The following SLX4 variants were observed in gnomAD, a reference collection of about 807,000 sequenced individuals.
SLX4 encodes SLX4 structure-specific endonuclease subunit.
A neutral mutation model predicts 146.2 loss-of-function variants in SLX4; 112 were observed. The ratio of observed to expected loss-of-function variants is 0.77; its 90% CI spans 0.66 to 0.90. The LOEUF (loss-of-function observed/expected upper bound fraction) is 0.90, where lower values mean the gene tolerates loss of function less well. SLX4 is among the 40% of genes least tolerant of loss of function. The probability of loss-of-function intolerance (pLI) is 0.00; values close to 1 mark genes in which losing one functional copy is unlikely to be tolerated. For synonymous variants in SLX4, 1,061 were observed against 997.7 expected, an observed-to-expected ratio of 1.06 and a Z score of -1.20; for missense variants, 2,563 against 2,392.7, an observed-to-expected ratio of 1.07 and a Z score of -1.49.
chr16:3,602,399 G>A, intron 3 of SLX4, 92 bp from the exon 4 acceptor site: 27 of 1,481,102 alleles, frequency 1.8e-5, no homozygotes, highest in Non-Finnish European at 2.5e-5. Flanking sequence ...AGACCATGGG[G>A]AGCAGGTGGA....
intron 9 of SLX4, 96 bp from the exon 10 acceptor site, chr16:3,594,695 G>A: frequency 1.3e-6 from 2 of 1,552,938 alleles, no homozygotes; most frequent in Non-Finnish European, 1.8e-6. Context: ...CGCTAGGGTG[G>A]GCCGGGAGCC....
chr16:3,581,311 C>T lies in SLX4; in HGVS notation c.*1031G>A, dbSNP rs2040432686. On this transcript the variant is annotated 3_prime_UTR_variant, in exon 15 of 15. Coordinates refer to ENST00000294008, the MANE Select transcript of SLX4 (RefSeq NM_032444.4). ...CTTTCCTGGCCCTCATCTTCCTCCA[C>T]ACTGCTCCTGAGGCTGGAGGCAGCT... 1 of 152,788 alleles carries T rather than the reference C, an allele frequency of 6.5e-6. No homozygotes were observed. The highest frequency in any genetic ancestry group is 6.5e-5 in the Admixed American group (1 of 15,294). The allele number at this position is 152,788 out of a possible 1,614,324, so 9.5% of individuals were successfully genotyped here. A position where few individuals can be genotyped will look rare whatever the true frequency, so the allele number is the denominator to read the frequency against.
rs2040718643 is a variant in SLX4 at position 3,600,871 on chromosome 16, C to T, written c.1163+108G>A. The T allele has an allele frequency of 8.3e-6, 10 of 1,200,126 alleles. No homozygotes were observed. The East Asian group carries it at 1.0e-4, about 12-fold the overall frequency. The allele number at this position is 1,200,126 out of a possible 1,614,324, so 74.3% of individuals were successfully genotyped here. A position where few individuals can be genotyped will look rare whatever the true frequency, so the allele number is the denominator to read the frequency against. On this transcript the variant is annotated intron_variant, in intron 5 of 14. Coordinates refer to ENST00000294008, the MANE Select transcript of SLX4 (RefSeq NM_032444.4). ...TTGGCCTCCCAAAGTGCTGCGATTA[C>T]AGGTGTGAACTACTGCGTCCAGCCC...
chr16:3,587,482 G>C (rs1010103345), intron 12 of SLX4, among the ~76,000 whole-genome samples: 1 of 152,164 alleles, frequency 6.6e-6, no homozygotes, highest in Non-Finnish European at 1.5e-5. Context: ...GTGACACATT[G>C]GAAACAGTCA....
chr16:3,590,548 C>A lies in SLX4; in HGVS notation c.3090G>T (p.Pro1030=), dbSNP rs771531829. 1 of 1,612,498 alleles carries A rather than the reference C, an allele frequency of 6.2e-7. No homozygotes were observed. The highest frequency in any genetic ancestry group is 1.1e-5 in the South Asian group (1 of 91,064). Residue 1030 remains proline, a synonymous_variant, in exon 12 of 15, where the codon CCG becomes CCT. Transcript: ENST00000294008. This position sits in a 1 kb window ranked among gnomAD's most constrained non-coding sequence, Gnocchi z 4.8. ...GCCCCAATAGGAAGCGGCACGGGTG[C>A]GGTGGAGATGCCTGCCAGGGAGCCA... is the stretch of plus-strand genomic sequence containing the variant. ...HRLAPWQASP[P]HPCRFLLGPP...
At position 3,597,914 on chromosome 16, in the gene SLX4, G is replaced by A. The variant is rs767424269; in HGVS notation, c.1249C>T (p.Pro417Ser). The A allele has an allele frequency of 2.5e-6, 4 of 1,614,124 alleles. No individual in the cohort carries two copies. The highest frequency in any genetic ancestry group is 1.3e-5 in the African/African-American group (1 of 75,050). Residue 417 changes from proline (P) to serine (S), a missense_variant, in exon 6 of 15, where the codon CCG (proline) becomes TCG (serine). Pro to Ser is a moderately conservative substitution (Grantham distance 74, BLOSUM62 -1). Coordinates refer to ENST00000294008, the MANE Select transcript of SLX4 (RefSeq NM_032444.4). The surrounding 1 kb of genome is among the most constrained non-coding windows in gnomAD (Gnocchi z 4.4). ...ATGGCCACCAGCAGGTCCTCGGACG[G>A]TGCCTCGTCCACCTTCCGCCTCTTC... Reference protein sequence around the residue: ...PRKRRKVDEAPSEDLLVAMAL... With the variant: ...PRKRRKVDEASSEDLLVAMAL...
intron 10 of SLX4, among the ~76,000 whole-genome samples, chr16:3,593,834 A>G (rs1166103750): frequency 6.6e-6 from 1 of 152,166 alleles, no homozygotes; most frequent in Non-Finnish European, 1.5e-5. Context: ...CAAATAGAGA[A>G]AAGAGAAAAC....
chr16:3,592,359 G>C (rs2040602960), intron 11 of SLX4, among the ~76,000 whole-genome samples: 2 of 152,252 alleles, frequency 1.3e-5, no homozygotes, highest in Non-Finnish European at 2.9e-5. Context: ...CTGTTGTTCA[G>C]GTCTAGTGGT....
chr16:3,594,749 G>A, intron 9 of SLX4, 150 bp from the exon 10 acceptor site: 1 of 1,011,126 alleles, frequency 9.9e-7, no homozygotes, highest in Non-Finnish European at 1.5e-6. Flanking sequence ...TTCCCACGAT[G>A]GCCTCAACCT....
At chr16:3,602,049 T>C in intron 4 of SLX4, 69 bp downstream of exon 4, 1 of 1,594,582 alleles carries the variant, frequency 6.3e-7, no homozygotes, top group Non-Finnish European at 8.6e-7. Context: ...AGATCCGCAC[T>C]CCAGCCCTGG....
In SLX4 at chr16:3,597,655, TG is replaced by T. The variant is rs774532876; in HGVS notation, c.1406del (p.Pro469HisfsTer4). ...SRKKKPPVSP[P>X]LLLVQDSETT... Reference sequence around the variant, plus strand: ...TTTCAGAGTCCTGGACTAACAACAATGGGGGGGATACCGGGGGTTTCTTCTT... The same window carrying T: ...TTTCAGAGTCCTGGACTAACAACAATGGGGGGATACCGGGGGTTTCTTCTT... On this transcript the variant is annotated frameshift_variant, in exon 7 of 15. Coordinates refer to ENST00000294008, the MANE Select transcript of SLX4 (RefSeq NM_032444.4). LOFTEE classifies it high-confidence loss of function. The surrounding 1 kb of genome is among the most constrained non-coding windows in gnomAD (Gnocchi z 4.4). 5 of 1,519,490 alleles carry T rather than the reference TG, an allele frequency of 3.3e-6. No individual in the cohort carries two copies. Among genetic ancestry groups the T allele is most frequent in the Admixed American group, 1.8e-5 (1 of 56,964 alleles). The allele number at this position is 1,519,490 out of a possible 1,614,324, so 94.1% of individuals were successfully genotyped here.
At chr16:3,601,602 T>C in intron 4 of SLX4, 1 of 323,538 alleles carries the variant, frequency 3.1e-6, no homozygotes, top group South Asian at 2.8e-5. Flanking sequence ...CATCTAAGAA[T>C]GGGAAAAACA....
At chr16:3,598,293 G>A (rs1228639069) in intron 5 of SLX4, among the ~76,000 whole-genome samples, 2 of 152,218 alleles carry the variant, frequency 1.3e-5, no homozygotes, top group Non-Finnish European at 2.9e-5. Flanking sequence ...ATGTGGCCAA[G>A]CCCATCCAAT....
At position 3,590,713 on chromosome 16, in the gene SLX4, CG is replaced by C. The variant is rs1211841375; in HGVS notation, c.2924del (p.Pro975ArgfsTer26). Reference protein sequence around the residue: ...CQAERKEGSLPHSDDAGDYEQ... With the variant: ...CQAERKEGSLXHSDDAGDYEQ... Reference sequence around the variant, plus strand: ...CGTAATCCCCGGCATCATCTGAGTGCGGAAGAGAGCCTTCTTTTCTCTCTGC... The same window carrying C: ...CGTAATCCCCGGCATCATCTGAGTGCGAAGAGAGCCTTCTTTTCTCTCTGC... On this transcript the variant is annotated frameshift_variant, in exon 12 of 15. Transcript: ENST00000294008. LOFTEE classifies it high-confidence loss of function. The surrounding 1 kb of genome is among the most constrained non-coding windows in gnomAD (Gnocchi z 4.8). 6.2e-7 allele frequency: 1 copy of C among 1,614,050 alleles called. No homozygotes were observed. The highest frequency in any genetic ancestry group is 8.5e-7 in the Non-Finnish European group (1 of 1,180,046).
intron 11 of SLX4, among the ~76,000 whole-genome samples, chr16:3,592,112 C>A (rs542657606): frequency 6.6e-6 from 1 of 152,380 alleles, no homozygotes; most frequent in East Asian, 1.9e-4. Flanking sequence ...GCTCTGTGGC[C>A]CGTCAGTATA....
intron 7 of SLX4, among the ~76,000 whole-genome samples, chr16:3,596,857 T>A (rs1201088750): frequency 6.6e-6 from 1 of 151,688 alleles, no homozygotes; most frequent in Non-Finnish European, 1.5e-5. Flanking sequence ...GAGTCTCACT[T>A]TGTTGCCCAG....
chr16:3,597,431 T>G lies in SLX4; in HGVS notation c.1631A>C (p.Asp544Ala). The change falls in exon 7 of 15, where the codon GAC becomes GCC. Residue 544 changes from aspartate (D) to alanine (A), a missense_variant. By Grantham distance (126) the Asp-to-Ala change is moderately radical (BLOSUM62 -2). Transcript: ENST00000294008. The surrounding 1 kb of genome is among the most constrained non-coding windows in gnomAD (Gnocchi z 4.4). ...SALTGAWAMEDFYTARLVPPL... is the reference protein window; with the variant it reads ...SALTGAWAMEAFYTARLVPPL... Reference sequence around the variant, plus strand: ...AGGGACCAGCCTGGCCGTGTAGAAGTCCTCCATGGCCCAGGCCCCAGTCAG... The same window carrying G: ...AGGGACCAGCCTGGCCGTGTAGAAGGCCTCCATGGCCCAGGCCCCAGTCAG... 1 of 1,608,148 alleles carries G rather than the reference T, an allele frequency of 6.2e-7. No individual in the cohort carries two copies. The highest frequency in any genetic ancestry group is 8.5e-7 in the Non-Finnish European group (1 of 1,177,496).
At position 3,594,434 on chromosome 16, in the gene SLX4, C is replaced by T. The variant is rs759835803; in HGVS notation, c.2160+19G>A. 2.9e-5 allele frequency: 47 copies of T among 1,606,596 alleles called. No homozygotes were observed. The highest frequency in any genetic ancestry group is 6.7e-5 in the African/African-American group (5 of 74,740). The stretch of plus-strand genomic sequence containing the variant: ...GGGAGAGAGAGGAAAGGAGGGCACA[C>T]GGCAGCCCACGTACTTACATACTGG... On this transcript the variant is annotated intron_variant, in intron 10 of 14. Transcript: ENST00000294008.
rs1338600551 is a variant in SLX4, at chr16:3,583,264, G to T, written c.4986C>A (p.Thr1662=). 3.7e-6 allele frequency: 6 copies of T among 1,614,064 alleles called. No individual in the cohort carries two copies. In the African/African-American group the frequency reaches 6.7e-5, roughly 18 times the overall value. The change falls in exon 14 of 15, where the codon ACC becomes ACA. Residue 1662 remains threonine, a synonymous_variant. Transcript: ENST00000294008. ...GAHRPKGPAK[T]KGPRHQRKHH... ...GCTTCCTTTGATGTCGGGGGCCCTT[G>T]GTCTTAGCAGGTCCCTTGGGCCTAT...
Sources: allele counts gnomAD v4.1 joint callset (sites outside exome capture counted in the v4.1 genomes callset), GRCh38; gene constraint gnomAD v4.1.1; non-coding constraint Gnocchi (gnomAD v3.1); transcripts MANE v1.5; gene names NCBI Gene and HGNC (gene_info 2026-07-23, HGNC 2026-07-21).